Variants in NSUN4 observed in about 807,000 individuals in gnomAD.
NSUN4 encodes NOP2/Sun RNA methyltransferase 4, also known as 5-cytosine rRNA methyltransferase NSUN4.
Under a neutral mutation model 43.8 loss-of-function variants are expected in NSUN4, and 31 were observed. The observed-to-expected ratio is 0.71, with a 90% CI of 0.53 to 0.96. The LOEUF is 0.96. Ranked by LOEUF, NSUN4 falls within the 40% of genes least tolerant of loss-of-function variation. The probability of loss-of-function intolerance (pLI) is 0.00; values close to 1 mark genes in which losing one functional copy is unlikely to be tolerated. For synonymous variants in NSUN4, 167 were observed against 184.1 expected (o/e 0.91, Z 0.75); for missense variants, 439 against 475.6 (o/e 0.92, Z 0.72).
At chr1:46,358,187 C>G (rs1047012787) in intron 4 of NSUN4, among the ~76,000 whole-genome samples, 2 of 152,170 alleles carry the variant, frequency 1.3e-5, no homozygotes, top group Non-Finnish European at 1.5e-5. Flanking sequence ...CCTCCGCCTC[C>G]TGGGTTCAAG....
chr1:46,365,918 A>G (rs1245111043), downstream of NSUN4, among the ~76,000 whole-genome samples: 3 of 152,110 alleles, frequency 2.0e-5, no homozygotes, highest in Non-Finnish European at 2.9e-5. Context: ...ACTTAAGGTC[A>G]GGAGTTCAAG....
At position 46,341,592 on chromosome 1, in the gene NSUN4, G is replaced by A. The variant is rs540215897; in HGVS notation, c.93+673G>A. 42 of 1,198,986 alleles carry A rather than the reference G, an allele frequency of 3.5e-5. No homozygotes were observed. In the East Asian group the frequency reaches 1.1e-3, roughly 31 times the overall value. 74.3% of individuals were successfully genotyped at this position (1,198,986 alleles called of 1,614,324 possible). On this transcript the variant is annotated intron_variant, in intron 1 of 5. Transcript: ENST00000474844. ...AAGCCCTGGAATTTCTTCTATGACC[G>A]GCACGCCCCCCTGCCCACCCCAGCC...
rs1354981363 is a variant in NSUN4, at chr1:46,364,446, G to A, written c.*2600G>A. The A allele has an allele frequency of 6.6e-6, 1 of 152,340 alleles. No homozygotes were observed. Among genetic ancestry groups the A allele is most frequent in the Non-Finnish European group, 1.5e-5 (1 of 68,168 alleles). The allele number at this position is 152,340 out of a possible 1,614,324, so 9.4% of individuals were successfully genotyped here. On this transcript the variant is annotated 3_prime_UTR_variant, in exon 6 of 6. Transcript: ENST00000474844. ...AATCCCAAAACTTTGGAAGGCTGAGGCAGGTGGATCACCTGAGGTCAGGAG... is the reference window on the plus strand; with the variant it reads ...AATCCCAAAACTTTGGAAGGCTGAGACAGGTGGATCACCTGAGGTCAGGAG...
At chr1:46,367,767 T>C (rs540182060), downstream of NSUN4, among the ~76,000 whole-genome samples, 902 of 95,116 alleles carry the variant, frequency 9.5e-3, 10 homozygotes, top group African/African-American at 0.025. Flanking sequence ...AAATTTCTTT[T>C]TTTTTTTTTT....
intron 3 of NSUN4, among the ~76,000 whole-genome samples, chr1:46,351,659 C>CTTTTTTTT: frequency 1.1e-5 from 1 of 88,876 alleles, no homozygotes; most frequent in Non-Finnish European, 2.1e-5. Flanking sequence ...GACCCAGTCT[C>CTTTTTTTT]TTTTTTTTTT....
intron 2 of NSUN4, 109 bp from the exon 3 acceptor site, chr1:46,346,812 T>G (rs1662538522): frequency 2.5e-6 from 2 of 797,226 alleles, no homozygotes; most frequent in Non-Finnish European, 4.1e-6. Flanking sequence ...GAAAAATGAG[T>G]TTTTGGTGAT....
chr1:46,372,650 A>G, the NSUN4 span, among the ~76,000 whole-genome samples: 1 of 152,176 alleles, frequency 6.6e-6, no homozygotes, highest in South Asian at 2.1e-4. Flanking sequence ...CTGCTCTTCA[A>G]TTCTGCATTC....
intron 2 of NSUN4, among the ~76,000 whole-genome samples, chr1:46,346,438 G>A (rs1323099153): frequency 1.3e-5 from 2 of 151,548 alleles, no homozygotes; most frequent in Non-Finnish European, 2.9e-5. Flanking sequence ...TGTAATCCCA[G>A]CTACTTGGGA....
the NSUN4 span, among the ~76,000 whole-genome samples, chr1:46,380,210 G>A: frequency 6.6e-6 from 1 of 152,146 alleles, no homozygotes; most frequent in Non-Finnish European, 1.5e-5. Flanking sequence ...TGCCAGGGAA[G>A]GTATTACCTG....
chr1:46,370,798 T>A, the NSUN4 span: 2 of 152,362 alleles, frequency 1.3e-5, no homozygotes. Context: ...CCACCACTTC[T>A]CCAATGGATT....
chr1:46,365,084 A>G (rs1664101095), downstream of NSUN4: 1 of 152,210 alleles, frequency 6.6e-6, no homozygotes, highest in South Asian at 2.1e-4. Context: ...GCATATATAC[A>G]TGGAATCATA....
At chr1:46,376,280 G>C in the NSUN4 span, among the ~76,000 whole-genome samples, 2 of 150,144 alleles carry the variant, frequency 1.3e-5, no homozygotes, top group African/African-American at 4.9e-5. Flanking sequence ...GTAGTGGTGG[G>C]GCACCTGTAA....
intron 1 of NSUN4, chr1:46,341,252 TCCCTC>T: frequency 7.4e-6 from 3 of 406,934 alleles, no homozygotes; most frequent in Non-Finnish European, 9.2e-6. Flanking sequence ...TTTACTTCCC[TCCCTC>T]CCCTCCCCCT....
At chr1:46,356,763 C>T (rs1175658852) in intron 4 of NSUN4, among the ~76,000 whole-genome samples, 1 of 152,168 alleles carries the variant, frequency 6.6e-6, no homozygotes, top group East Asian at 1.9e-4. Flanking sequence ...CTCCATCCTT[C>T]TCCCGCTCCA....
At chr1:46,371,308 CTTT>C in the NSUN4 span, among the ~76,000 whole-genome samples, 8 of 127,818 alleles carry the variant, frequency 6.3e-5, no homozygotes, top group Non-Finnish European at 5.0e-5. Flanking sequence ...TTCTTTTTTA[CTTT>C]TTTTTTTTTT....
At chr1:46,348,808 GTTTTTTTTT>G (rs869234807) in intron 3 of NSUN4, among the ~76,000 whole-genome samples, 2 of 77,842 alleles carry the variant, frequency 2.6e-5, no homozygotes, top group Non-Finnish European at 4.6e-5. Flanking sequence ...CTTGTGCACT[GTTTTTTTTT>G]TTTTTTTTTT....
At chr1:46,343,136 C>A in intron 1 of NSUN4, 1 of 399,070 alleles carries the variant, frequency 2.5e-6, no homozygotes, top group South Asian at 1.3e-4. Context: ...CTGTGGTTCC[C>A]TCCACCCCCC....
chr1:46,341,914 C>G, intron 1 of NSUN4: 1 of 1,233,112 alleles, frequency 8.1e-7, no homozygotes, highest in Non-Finnish European at 1.0e-6. Context: ...AGCGGATGGC[C>G]TTCAGCTTTT....
the NSUN4 span, among the ~76,000 whole-genome samples, chr1:46,384,032 G>A: frequency 1.3e-5 from 2 of 152,188 alleles, no homozygotes; most frequent in African/African-American, 2.4e-5. Context: ...GAGTGATGGG[G>A]TGAGTGGTTT....
Sources: allele counts gnomAD v4.1 joint callset (sites outside exome capture counted in the v4.1 genomes callset), GRCh38; gene constraint gnomAD v4.1.1; transcripts MANE v1.5; gene names NCBI Gene and HGNC (gene_info 2026-07-23, HGNC 2026-07-21).